BCL2L13: variants seen among roughly 807,000 people sequenced by gnomAD.
BCL2L13 encodes BCL2 like 13.
Under a neutral mutation model 25.8 loss-of-function variants are expected in BCL2L13, and 13 were observed. That is an observed-to-expected ratio of 0.50 (90% CI 0.33 to 0.80). The LOEUF is 0.80. BCL2L13 is among the 30% of genes least tolerant of loss of function. The pLI is 0.02. For synonymous variants in BCL2L13, 244 were observed against 230.3 expected (o/e 1.06, Z -0.54); for missense variants, 504 against 574.9 (o/e 0.88, Z 1.26).
At chr22:17,643,859 C>G (rs1295189920) in intron 1 of BCL2L13, among the ~76,000 whole-genome samples, 1 of 151,786 alleles carries the variant, frequency 6.6e-6, no homozygotes, top group Admixed American at 6.6e-5. Flanking sequence ...GTGATCCGCC[C>G]TCCTTGGCTT....
intron 6 of BCL2L13, among the ~76,000 whole-genome samples, chr22:17,711,304 C>CTTTTTTTTTTTTTTTTTTTTTTTTTTT: frequency 8.0e-6 from 1 of 125,386 alleles, no homozygotes; most frequent in Non-Finnish European, 1.7e-5. Flanking sequence ...CATGATGGGC[C>CTTTTTTTTTTTTTTTTTTTTTTTTTTT]TTTTTTTTTT....
At chr22:17,699,705 G>C (rs1178466516) in intron 5 of BCL2L13, among the ~76,000 whole-genome samples, 1 of 152,110 alleles carries the variant, frequency 6.6e-6, no homozygotes, top group East Asian at 1.9e-4. Flanking sequence ...TCTTCTAGGA[G>C]TGGATGCCTG....
upstream of BCL2L13, among the ~76,000 whole-genome samples, chr22:17,636,406 A>G (rs1387214137): frequency 6.6e-6 from 1 of 151,842 alleles, no homozygotes; most frequent in Non-Finnish European, 1.5e-5. Flanking sequence ...AGGTGGAACA[A>G]TTGTGAGCCC....
chr22:17,638,610 G>A, upstream of BCL2L13: 8 of 1,133,178 alleles, frequency 7.1e-6, no homozygotes, highest in Non-Finnish European at 7.8e-6. Context: ...GGGCTAGGAG[G>A]GTTTGGGTCT....
At chr22:17,641,434 A>G (rs751042526) in intron 1 of BCL2L13, among the ~76,000 whole-genome samples, 7 of 152,054 alleles carry the variant, frequency 4.6e-5, no homozygotes, top group Non-Finnish European at 7.4e-5. Flanking sequence ...CAATAAGCCC[A>G]TGAGGCAACA....
intron 4 of BCL2L13, among the ~76,000 whole-genome samples, chr22:17,691,197 C>T (rs1260638771): frequency 1.3e-5 from 2 of 151,942 alleles, no homozygotes; most frequent in Non-Finnish European, 2.9e-5. Flanking sequence ...TTTTCTTAAC[C>T]AGAGCACGTG....
chr22:17,701,863 G>A lies in BCL2L13; in HGVS notation c.457-380G>A, dbSNP rs147085301. ...CGCTTGAACCTGGGAGGCGGAGGCT[G>A]CAGTGAGCCAAGACTGTGCCACTGC... On this transcript the variant is annotated intron_variant, in intron 5 of 6. Coordinates refer to ENST00000317582, the MANE Select transcript of BCL2L13 (RefSeq NM_015367.4). Among the ~76,000 whole-genome samples the A allele has an allele frequency of 3.1e-3, 456 of 147,866 alleles. 4 individuals carry two copies. Among genetic ancestry groups the A allele is most frequent in the African/African-American group, 0.011 (420 of 39,768 alleles).
chr22:17,686,959 C>A (rs2059960098), intron 3 of BCL2L13, among the ~76,000 whole-genome samples: 1 of 151,928 alleles, frequency 6.6e-6, no homozygotes, highest in Admixed American at 6.6e-5. Context: ...ACTTATTGAA[C>A]CCCATATTAT....
rs1601447276 is a variant in BCL2L13, at chr22:17,638,879, A to G, written c.-58A>G. The G allele has an allele frequency of 8.1e-7, 1 of 1,232,634 alleles. No homozygotes were observed. Among genetic ancestry groups the G allele is most frequent in the East Asian group, 3.2e-5 (1 of 31,726 alleles). 76.4% of individuals were successfully genotyped at this position (1,232,634 alleles called of 1,614,324 possible). A position where few individuals can be genotyped will look rare whatever the true frequency, so the allele number is the denominator to read the frequency against. ...TTTCATCTCTTCTGGGGCAGGGGCC[A>G]GGGCCAGGTGAGGGGAGTGGGGTTC... On this transcript the variant is annotated 5_prime_UTR_variant, in exon 1 of 7. Coordinates refer to ENST00000317582, the MANE Select transcript of BCL2L13 (RefSeq NM_015367.4).
chr22:17,675,677 T>C lies in BCL2L13; in HGVS notation c.122-7537T>C, dbSNP rs183844975. 2.7e-3 allele frequency among the ~76,000 whole-genome samples: 405 copies of C among 152,218 alleles called. 4 individuals carry two copies. Among genetic ancestry groups the C allele is most frequent in the African/African-American group, 9.5e-3 (394 of 41,542 alleles). ...GAGATTACCTTAGCCTGGAAAAAAA[T>C]TGAAGGCAAGTCCATTAGAGGCAAG... On this transcript the variant is annotated intron_variant, in intron 2 of 6. Transcript: ENST00000317582.
intron 5 of BCL2L13, among the ~76,000 whole-genome samples, chr22:17,698,140 C>T (rs2060320591): frequency 2.6e-5 from 4 of 151,016 alleles, no homozygotes; most frequent in South Asian, 2.1e-4. Flanking sequence ...GTTGGAGTCT[C>T]GCTTTGTTGT....
intron 1 of BCL2L13, among the ~76,000 whole-genome samples, chr22:17,655,351 T>A (rs2058821418): frequency 6.6e-6 from 1 of 151,256 alleles, no homozygotes; most frequent in Non-Finnish European, 1.5e-5. Context: ...ATAAAAAGTG[T>A]AGTAAATACA....
chr22:17,725,729 A>G (rs1832021957), intron 6 of BCL2L13, among the ~76,000 whole-genome samples: 1 of 151,532 alleles, frequency 6.6e-6, no homozygotes, highest in South Asian at 2.1e-4. Flanking sequence ...CCCTTATCCA[A>G]AGTGCTTGGG....
chr22:17,645,887 G>GA (rs2058456731), intron 1 of BCL2L13, among the ~76,000 whole-genome samples: 1 of 150,864 alleles, frequency 6.6e-6, no homozygotes, highest in African/African-American at 2.5e-5. Flanking sequence ...AATATTTAGG[G>GA]AAAAAAACAC....
chr22:17,633,223 G>A (rs1407686221), intron 1 of BCL2L13, among the ~76,000 whole-genome samples: 1 of 152,104 alleles, frequency 6.6e-6, no homozygotes, highest in African/African-American at 2.4e-5. Flanking sequence ...ATCCCCTTTT[G>A]CAGCACCCAC....
Position 17,729,790 on chromosome 22 carries a change from C to T in BCL2L13, c.*2256C>T, listed in dbSNP as rs2061372585. 6.6e-6 allele frequency: 1 copy of T among 152,236 alleles called. No homozygotes were observed. Among genetic ancestry groups the T allele is most frequent in the African/African-American group, 2.4e-5 (1 of 41,444 alleles). 9.4% of individuals were successfully genotyped at this position (152,236 alleles called of 1,614,324 possible). On this transcript the variant is annotated 3_prime_UTR_variant, in exon 7 of 7. Transcript: ENST00000317582. ...GGTAATGGAACTAGATAGTGTTTTC[C>T]ATTGGCTTTCTCTGGTAGCTCTTGG... is the stretch of plus-strand genomic sequence containing the variant.
chr22:17,677,449 T>C (rs1270912584), intron 2 of BCL2L13, among the ~76,000 whole-genome samples: 1 of 152,082 alleles, frequency 6.6e-6, no homozygotes, highest in Non-Finnish European at 1.5e-5. Context: ...AATGAAAACA[T>C]AGGCAGAGCC....
chr22:17,694,123 T>G (rs987687554), intron 4 of BCL2L13, among the ~76,000 whole-genome samples: 2 of 152,110 alleles, frequency 1.3e-5, no homozygotes, highest in Admixed American at 6.5e-5. Flanking sequence ...TTTAATCTAT[T>G]AATTTTTAAT....
chr22:17,671,378 A>T (rs866044417), intron 2 of BCL2L13, among the ~76,000 whole-genome samples: 9 of 132,690 alleles, frequency 6.8e-5, no homozygotes, highest in Admixed American at 4.0e-4. Context: ...TGGGTGACAG[A>T]GCGAGACTCC....
Sources: allele counts gnomAD v4.1 joint callset (sites outside exome capture counted in the v4.1 genomes callset), GRCh38; gene constraint gnomAD v4.1.1; transcripts MANE v1.5; gene names NCBI Gene and HGNC (gene_info 2026-07-23, HGNC 2026-07-21).